The following TSHZ3 variants were observed in gnomAD, a reference collection of about 807,000 sequenced individuals.
TSHZ3 encodes the protein teashirt homolog 3.
In TSHZ3, 10 loss-of-function variants were observed where a neutral mutation model predicts 64.5. The ratio of observed to expected loss-of-function variants is 0.16; its 90% CI spans 0.10 to 0.26. The LOEUF is 0.26. Among genes scored for constraint, TSHZ3 ranks in the 10% least tolerant of loss-of-function variants. TSHZ3 has a pLI of 1.00. For missense variants in TSHZ3, 1,242 were observed against 1,421.7 expected (o/e 0.87, Z 2.03); for synonymous variants, 608 against 593.1 (o/e 1.03, Z -0.36).
chr19:31,308,181 G>A (rs1267264044), intron 1 of TSHZ3, among the ~76,000 whole-genome samples: 1 of 152,166 alleles, frequency 6.6e-6, no homozygotes, highest in African/African-American at 2.4e-5. Flanking sequence ...TCCCATGGCA[G>A]TGACGTGCAG....
intron 5 of TSHZ3, among the ~76,000 whole-genome samples, chr19:31,197,075 T>C (rs1975003412): frequency 1.3e-5 from 2 of 151,886 alleles, no homozygotes; most frequent in Non-Finnish European, 2.9e-5. Context: ...AAATACACCT[T>C]AGCAAATTAA....
intron 1 of TSHZ3, among the ~76,000 whole-genome samples, chr19:31,290,694 G>C (rs1330529842): frequency 1.3e-5 from 2 of 152,120 alleles, no homozygotes; most frequent in Non-Finnish European, 1.5e-5. Flanking sequence ...TGGTACCAGG[G>C]AGACCAGGGG....
At chr19:31,287,751 CTA>C (rs1226725766) in intron 1 of TSHZ3, among the ~76,000 whole-genome samples, 1 of 152,114 alleles carries the variant, frequency 6.6e-6, no homozygotes, top group African/African-American at 2.4e-5. Flanking sequence ...GGAAAGGACT[CTA>C]TGACAAAGAG....
At chr19:31,325,556 G>A (rs537076026) in intron 1 of TSHZ3, among the ~76,000 whole-genome samples, 38 of 152,252 alleles carry the variant, frequency 2.5e-4, no homozygotes, top group African/African-American at 7.7e-4. Context: ...GACATCACGC[G>A]CGCACTCCCA....
chr19:31,346,127 T>C (rs1045853033), intron 1 of TSHZ3, among the ~76,000 whole-genome samples: 46 of 152,192 alleles, frequency 3.0e-4, no homozygotes, highest in African/African-American at 1.1e-3. Flanking sequence ...CAGGGATTCT[T>C]GGAGCCTGCT....
At chr19:31,176,641 T>C (rs921617292) in intron 5 of TSHZ3, among the ~76,000 whole-genome samples, 2 of 151,962 alleles carry the variant, frequency 1.3e-5, no homozygotes, top group African/African-American at 4.8e-5. Flanking sequence ...TAAAAATAAA[T>C]TATCCAGGCA....
intron 1 of TSHZ3, among the ~76,000 whole-genome samples, chr19:31,316,202 G>A (rs1057059370): frequency 6.6e-6 from 1 of 152,168 alleles, no homozygotes; most frequent in Non-Finnish European, 1.5e-5. Flanking sequence ...TGTTTTCAGG[G>A]AGGGAGGCAG....
intron 5 of TSHZ3, among the ~76,000 whole-genome samples, chr19:31,164,601 C>A (rs1199606267): frequency 6.6e-6 from 1 of 152,154 alleles, no homozygotes; most frequent in Non-Finnish European, 1.5e-5. Context: ...GCTTCTCCAT[C>A]CTCCTGTTTG....
chr19:31,183,026 G>A (rs867805588), intron 5 of TSHZ3, among the ~76,000 whole-genome samples: 4 of 152,280 alleles, frequency 2.6e-5, no homozygotes, highest in Middle Eastern at 3.4e-3. Context: ...GAAAAAGAGA[G>A]ATTTTGCCCA....
At chr19:31,168,618 C>T (rs892506019) in intron 5 of TSHZ3, among the ~76,000 whole-genome samples, 4 of 152,208 alleles carry the variant, frequency 2.6e-5, no homozygotes, top group Non-Finnish European at 5.9e-5. Context: ...GAGACACTGG[C>T]TTCCACCAGC....
intron 1 of TSHZ3, among the ~76,000 whole-genome samples, chr19:31,327,442 A>G (rs543516053): frequency 1.2e-4 from 19 of 152,370 alleles, no homozygotes; most frequent in Non-Finnish European, 2.4e-4. Context: ...ACTTTTCTAC[A>G]TATGAAAGGG....
chr19:31,237,463 A>T (rs1248947258), intron 3 of TSHZ3, among the ~76,000 whole-genome samples: 1 of 151,772 alleles, frequency 6.6e-6, no homozygotes, highest in African/African-American at 2.4e-5. Flanking sequence ...CCCCACTTGC[A>T]CCTCTAATAC....
At chr19:31,154,137 C>G (rs539706506) in intron 6 of TSHZ3, among the ~76,000 whole-genome samples, 13 of 152,260 alleles carry the variant, frequency 8.5e-5, no homozygotes, top group African/African-American at 3.1e-4. Context: ...CCTGCAGGGC[C>G]CAGAAAGAGA....
chr19:31,285,537 C>T (rs1976444639), intron 1 of TSHZ3, among the ~76,000 whole-genome samples: 2 of 147,616 alleles, frequency 1.4e-5, no homozygotes, highest in Admixed American at 6.7e-5. Context: ...AATCCTAGCA[C>T]TTTGGGAGGC....
At chr19:31,299,001 C>A (rs1185392539) in intron 1 of TSHZ3, among the ~76,000 whole-genome samples, 1 of 152,178 alleles carries the variant, frequency 6.6e-6, no homozygotes, top group Non-Finnish European at 1.5e-5. Flanking sequence ...TCGAGTCCAG[C>A]CTGGCCAACA....
intron 1 of TSHZ3, among the ~76,000 whole-genome samples, chr19:31,246,464 A>G (rs1383288942): frequency 6.6e-6 from 1 of 152,218 alleles, no homozygotes; most frequent in Non-Finnish European, 1.5e-5. Flanking sequence ...AAATAAATAT[A>G]CTATAGTCAT....
Position 31,278,103 on chromosome 19 carries a change from G to A in TSHZ3, c.1690C>T (p.Leu564=), listed in dbSNP as rs758087953. 24 of 1,614,022 alleles carry A rather than the reference G, an allele frequency of 1.5e-5. No individual in the cohort carries two copies. In the East Asian group the frequency reaches 5.1e-4, roughly 34 times the overall value. The change falls in exon 2 of 2, where the codon CTG becomes TTG. Residue 564 remains leucine (L), a synonymous_variant. Transcript: ENST00000240587. This position sits in a 1 kb window ranked among gnomAD's most constrained non-coding sequence, Gnocchi z 4.7. ...GGCGTGCTCTTCCCCGACGAGCCCA[G>A]GGACAACTTCATCATGTTGGGAAGT... ...YQLPNMMKLS[L]GSSGKSTPLK...
At chr19:31,301,216 G>A (rs539990118) in intron 1 of TSHZ3, among the ~76,000 whole-genome samples, 1 of 152,028 alleles carries the variant, frequency 6.6e-6, no homozygotes, top group African/African-American at 2.4e-5. Flanking sequence ...AGAAGCGGGT[G>A]GTGCAGACTC....
intron 5 of TSHZ3, among the ~76,000 whole-genome samples, chr19:31,197,189 C>T (rs1007416292): frequency 6.6e-6 from 1 of 151,818 alleles, no homozygotes; most frequent in African/African-American, 2.4e-5. Context: ...GGAGATTAAA[C>T]AATACACTTC....
Sources: allele counts gnomAD v4.1 joint callset (sites outside exome capture counted in the v4.1 genomes callset), GRCh38; gene constraint gnomAD v4.1.1; non-coding constraint Gnocchi (gnomAD v3.1); transcripts MANE v1.5; gene names NCBI Gene and HGNC (gene_info 2026-07-23, HGNC 2026-07-21).